The following ADAMTSL1 variants were observed in gnomAD, a reference collection of about 807,000 sequenced individuals.
The protein encoded by ADAMTSL1 is ADAMTS-like protein 1.
Under a neutral mutation model 201.8 loss-of-function variants are expected in ADAMTSL1, and 126 were observed. That is an observed-to-expected ratio of 0.62 (90% confidence interval 0.54 to 0.72). The LOEUF is 0.72. Among genes scored for constraint, ADAMTSL1 ranks in the 30% least tolerant of loss-of-function variants. ADAMTSL1 has a pLI of 0.00. For missense variants in ADAMTSL1, 2,679 were observed against 2,277.8 expected (o/e 1.18, Z -3.59); for synonymous variants, 1,121 against 903.4 (o/e 1.24, Z -4.32).
intron 23 of ADAMTSL1, among the ~76,000 whole-genome samples, chr9:18,846,599 G>C (rs532402750): frequency 1.6e-4 from 24 of 152,314 alleles, no homozygotes; most frequent in Non-Finnish European, 2.8e-4. Context: ...AAACAAGAGA[G>C]AGAGGTTGTC....
intron 1 of ADAMTSL1, among the ~76,000 whole-genome samples, chr9:18,095,940 G>A (rs1190306644): frequency 1.3e-5 from 2 of 152,118 alleles, no homozygotes; most frequent in Admixed American, 1.3e-4. Flanking sequence ...AGTTCATTTT[G>A]TTATTTTTGA....
chr9:18,230,659 A>ATATC (rs538425567), intron 2 of ADAMTSL1, among the ~76,000 whole-genome samples: 167 of 152,314 alleles, frequency 1.1e-3, no homozygotes, highest in African/African-American at 3.8e-3. Context: ...AGCCATATGC[A>ATATC]TATCAAATGT....
At chr9:18,328,224 A>C (rs1276737129) in intron 2 of ADAMTSL1, among the ~76,000 whole-genome samples, 1 of 152,162 alleles carries the variant, frequency 6.6e-6, no homozygotes, top group Admixed American at 6.5e-5. Flanking sequence ...TGCTGTGGAG[A>C]GTGCATGTGT....
At chr9:18,211,295 C>G (rs1829861650) in intron 2 of ADAMTSL1, among the ~76,000 whole-genome samples, 1 of 152,076 alleles carries the variant, frequency 6.6e-6, no homozygotes, top group African/African-American at 2.4e-5. Flanking sequence ...CGTGACCACC[C>G]AAACAGTAAG....
chr9:18,025,994 A>AT (rs1261048238), intron 1 of ADAMTSL1, among the ~76,000 whole-genome samples: 2 of 151,790 alleles, frequency 1.3e-5, no homozygotes, highest in Admixed American at 6.6e-5. Flanking sequence ...ATTCCTAGGT[A>AT]TTTTTTTGTG....
intron 2 of ADAMTSL1, among the ~76,000 whole-genome samples, chr9:18,445,256 A>G (rs143339076): frequency 1.3e-5 from 2 of 152,310 alleles, no homozygotes; most frequent in Non-Finnish European, 2.9e-5. Flanking sequence ...GAGCTAAACA[A>G]TCTGTCACCA....
At chr9:18,251,014 T>C (rs896800355) in intron 2 of ADAMTSL1, among the ~76,000 whole-genome samples, 2 of 151,622 alleles carry the variant, frequency 1.3e-5, no homozygotes, top group East Asian at 3.9e-4. Context: ...AATGAAGAAA[T>C]AGAAGAGAAT....
chr9:18,206,229 A>T (rs532605054), intron 2 of ADAMTSL1, among the ~76,000 whole-genome samples: 1 of 151,916 alleles, frequency 6.6e-6, no homozygotes, highest in Non-Finnish European at 1.5e-5. Flanking sequence ...AAGCTGATGT[A>T]TTTTTTTGTG....
chr9:18,760,199 G>A (rs189174186), intron 16 of ADAMTSL1, among the ~76,000 whole-genome samples: 8 of 152,168 alleles, frequency 5.3e-5, no homozygotes, highest in East Asian at 3.9e-4. Flanking sequence ...TGAGCCTCAC[G>A]CATCCTTCAC....
At chr9:18,634,658 T>C (rs1341035589) in intron 5 of ADAMTSL1, among the ~76,000 whole-genome samples, 1 of 151,110 alleles carries the variant, frequency 6.6e-6, no homozygotes, top group Non-Finnish European at 1.5e-5. Flanking sequence ...GCCAATATAG[T>C]GAAACCCCAT....
intron 1 of ADAMTSL1, among the ~76,000 whole-genome samples, chr9:18,021,909 G>T (rs1396529690): frequency 6.6e-6 from 1 of 152,118 alleles, no homozygotes; most frequent in Non-Finnish European, 1.5e-5. Context: ...TAATGAACAG[G>T]TCAGAGGTGG....
chr9:18,770,857 A>C lies in ADAMTSL1; in HGVS notation c.2397+76A>C, dbSNP rs1355535255. ...GGCACCCCAGACATATACATAGAAA[A>C]GGCAAGAAGAGAACAAAACAATCTT... is the stretch of plus-strand genomic sequence containing the variant. On this transcript the variant is annotated intron_variant, in intron 17 of 28. Transcript: ENST00000380548. The C allele has an allele frequency of 3.5e-6, 5 of 1,417,190 alleles. No homozygotes were observed. The African/African-American group carries it at 5.7e-5, about 16-fold the overall frequency. 87.8% of individuals were successfully genotyped at this position (1,417,190 alleles called of 1,614,324 possible).
intron 2 of ADAMTSL1, among the ~76,000 whole-genome samples, chr9:18,457,336 T>C (rs192840695): frequency 3.3e-5 from 5 of 151,256 alleles, no homozygotes; most frequent in Non-Finnish European, 5.9e-5. Flanking sequence ...ATAATTTCTT[T>C]CTTTTTTTGT....
At chr9:18,393,064 C>G (rs543651505) in intron 2 of ADAMTSL1, among the ~76,000 whole-genome samples, 3 of 152,118 alleles carry the variant, frequency 2.0e-5, no homozygotes, top group East Asian at 1.9e-4. Flanking sequence ...TTATTGACCA[C>G]TTGTAGAAAG....
chr9:18,038,736 A>G (rs1353934382), intron 1 of ADAMTSL1, among the ~76,000 whole-genome samples: 2 of 152,204 alleles, frequency 1.3e-5, no homozygotes, highest in Non-Finnish European at 2.9e-5. Context: ...ACTTACCACC[A>G]ACTTTTCACA....
intron 2 of ADAMTSL1, among the ~76,000 whole-genome samples, chr9:18,359,780 C>T (rs898187635): frequency 2.0e-5 from 3 of 150,244 alleles, no homozygotes; most frequent in African/African-American, 7.3e-5. Context: ...GTTGGCATTA[C>T]CCTAGAAGTC....
chr9:18,372,793 T>C (rs1837104922), intron 2 of ADAMTSL1, among the ~76,000 whole-genome samples: 1 of 152,230 alleles, frequency 6.6e-6, no homozygotes, highest in Non-Finnish European at 1.5e-5. Context: ...GCTTTCTGTA[T>C]ACCTAACCAC....
chr9:18,140,416 C>T (rs956416288), intron 1 of ADAMTSL1, among the ~76,000 whole-genome samples: 2 of 152,136 alleles, frequency 1.3e-5, no homozygotes, highest in Non-Finnish European at 2.9e-5. Context: ...CAGGAGCAAG[C>T]ATCCAAGAGT....
chr9:18,225,502 A>G (rs1042186405), intron 2 of ADAMTSL1, among the ~76,000 whole-genome samples: 13 of 152,160 alleles, frequency 8.5e-5, no homozygotes, highest in African/African-American at 2.9e-4. Context: ...TTTTAGATAT[A>G]TTTGTTAAAA....
Sources: allele counts gnomAD v4.1 joint callset (sites outside exome capture counted in the v4.1 genomes callset), GRCh38; gene constraint gnomAD v4.1.1; transcripts MANE v1.5; gene names NCBI Gene and HGNC (gene_info 2026-07-23, HGNC 2026-07-21).